The following FCHO1 variants were observed in gnomAD, a reference collection of about 807,000 sequenced individuals.
FCHO1 encodes F-BAR domain only protein 1.
In FCHO1, 45 loss-of-function variants were observed where a neutral mutation model predicts 114.4. That is an observed-to-expected ratio of 0.39 (90% CI 0.31 to 0.50). The LOEUF is 0.50. Ranked by LOEUF, FCHO1 falls within the 20% of genes least tolerant of loss-of-function variation. The probability of loss-of-function intolerance (pLI) is 0.77; values close to 1 mark genes in which losing one functional copy is unlikely to be tolerated. For missense variants in FCHO1, 1,042 were observed against 1,209.6 expected, an observed-to-expected ratio of 0.86 and a Z score of 2.06; for synonymous variants, 480 against 488.9, an observed-to-expected ratio of 0.98 and a Z score of 0.24.
In FCHO1 at chr19:17,751,894, ATCTC is replaced by A. The variant is rs1195527353; in HGVS notation, c.-183+321_-183+324del. The stretch of plus-strand genomic sequence containing the variant: ...CACAGTCAGCCGGGACCAATGATTG[ATCTC>A]TCTGTGCCTCGGTTTCCTTCATAAA... On this transcript the variant is annotated intron_variant, in intron 1 of 28. Transcript: ENST00000596536. This position sits in a 1 kb window ranked among gnomAD's most constrained non-coding sequence, Gnocchi z 4.4. 1.3e-5 allele frequency among the ~76,000 whole-genome samples: 2 copies of A among 152,156 alleles called. No individual in the cohort carries two copies. The highest frequency in any genetic ancestry group is 2.4e-5 in the African/African-American group (1 of 41,414).
chr19:17,752,622 G>A (rs2082271460), intron 1 of FCHO1, among the ~76,000 whole-genome samples: 1 of 151,904 alleles, frequency 6.6e-6, no homozygotes, highest in African/African-American at 2.4e-5. Flanking sequence ...ATTAAGGCCA[G>A]GGGTTGTGGC....
At chr19:17,768,724 G>GA (rs71162197) in intron 7 of FCHO1, among the ~76,000 whole-genome samples, 55,554 of 141,256 alleles carry the variant, frequency 0.39, 11,060 homozygotes, top group East Asian at 0.7. Flanking sequence ...AAAAAAAAAA[G>GA]GAGAGAGAGA....
At chr19:17,758,961 G>A (rs1289089871) in intron 4 of FCHO1, among the ~76,000 whole-genome samples, 3 of 152,004 alleles carry the variant, frequency 2.0e-5, no homozygotes, top group Non-Finnish European at 4.4e-5. Context: ...GAGACAGAGC[G>A]AGACCCTGTC....
intron 5 of FCHO1, 122 bp downstream of exon 5, chr19:17,762,975 G>C: frequency 1.5e-6 from 1 of 656,184 alleles, no homozygotes; most frequent in South Asian, 1.8e-5. Context: ...AACCAGAGGG[G>C]CTCGAAAATC....
rs555557152 is a variant in FCHO1, at chr19:17,762,530, C to T, written c.28-232C>T. 2.0e-5 allele frequency among the ~76,000 whole-genome samples: 3 copies of T among 152,138 alleles called. No homozygotes were observed. The South Asian group carries it at 6.2e-4, about 32-fold the overall frequency. On this transcript the variant is annotated intron_variant, in intron 4 of 28. Transcript: ENST00000596536. ...GACACAGAACAAATGAGATTCCTCC[C>T]CAGCAACTATAGGACAAAAAGAAAA...
intron 6 of FCHO1, among the ~76,000 whole-genome samples, chr19:17,764,868 C>T (rs531613013): frequency 9.2e-5 from 14 of 151,730 alleles, no homozygotes; most frequent in Non-Finnish European, 1.9e-4. Flanking sequence ...GAGTTCAAGA[C>T]CAGCCTGGGC....
intron 6 of FCHO1, 53 bp from the exon 7 acceptor site, chr19:17,766,616 C>A: frequency 6.2e-7 from 1 of 1,609,842 alleles, no homozygotes; most frequent in South Asian, 1.1e-5. Context: ...CCAGCGCTGT[C>A]CCGGGGTGGG....
At chr19:17,762,208 A>G (rs1568326942) in intron 4 of FCHO1, among the ~76,000 whole-genome samples, 1 of 151,500 alleles carries the variant, frequency 6.6e-6, no homozygotes, top group African/African-American at 2.4e-5. Flanking sequence ...CTGGTCTCGA[A>G]CTCCTGACCT....
intron 6 of FCHO1, 178 bp from the exon 7 acceptor site, chr19:17,766,491 C>A: frequency 1.4e-6 from 1 of 732,748 alleles, no homozygotes; most frequent in Non-Finnish European, 2.2e-6. Flanking sequence ...CTCCCTATGC[C>A]TCAGTTTCCC....
chr19:17,770,449 T>C lies in FCHO1; in HGVS notation c.361T>C (p.Leu121=). 1 of 1,613,422 alleles carries C rather than the reference T, an allele frequency of 6.2e-7. No homozygotes were observed. Among genetic ancestry groups the C allele is most frequent in the East Asian group, 2.2e-5 (1 of 44,880 alleles). Residue 121 remains leucine, a synonymous_variant, in exon 8 of 29, where the codon TTG becomes CTG. Coordinates refer to ENST00000596536, the MANE Select transcript of FCHO1 (RefSeq NM_015122.3). ...GTGCAAGGAGGAAGTGGTGAGCACC[T>C]TGGATGCTGTGCAGGTACTCTCGGG... ...KKCKEEVVST[L]DAVQVLSGVS... is the part of the protein sequence containing the mutation.
chr19:17,762,892 A>G, intron 5 of FCHO1, 39 bp downstream of exon 5: 1 of 1,402,688 alleles, frequency 7.1e-7, no homozygotes, highest in Non-Finnish European at 1.0e-6. Context: ...GGCCACGCCC[A>G]CCATCCTGTA....
At chr19:17,786,758 A>C in intron 27 of FCHO1, 129 bp downstream of exon 27, 1 of 1,017,772 alleles carries the variant, frequency 9.8e-7, no homozygotes, top group Admixed American at 2.2e-5. Context: ...GAAGTCTTTA[A>C]AAGCTGGAGG....
intron 4 of FCHO1, among the ~76,000 whole-genome samples, chr19:17,756,399 C>T (rs2083531774): frequency 6.6e-6 from 1 of 152,220 alleles, no homozygotes. Context: ...GTGGCACCTA[C>T]ATTTATTTTA....
chr19:17,752,267 T>G (rs886166314), intron 1 of FCHO1: 1 of 151,944 alleles, frequency 6.6e-6, no homozygotes. Context: ...TATTTAATTA[T>G]TATTTTTTTA....
upstream of FCHO1, among the ~76,000 whole-genome samples, chr19:17,749,402 A>G (rs1796939788): frequency 6.6e-6 from 1 of 152,130 alleles, no homozygotes; most frequent in Non-Finnish European, 1.5e-5. Context: ...AGACATGATT[A>G]TTATAATATT....
At chr19:17,761,672 C>T (rs866682869) in intron 4 of FCHO1, among the ~76,000 whole-genome samples, 14 of 145,952 alleles carry the variant, frequency 9.6e-5, no homozygotes, top group Middle Eastern at 3.2e-3. Context: ...ACTTCCCCCC[C>T]GCCCTGAGAC....
In FCHO1 at chr19:17,787,672, G is replaced by T; in HGVS notation, c.2483-10G>T. 3 of 1,549,022 alleles carry T rather than the reference G, an allele frequency of 1.9e-6. No individual in the cohort carries two copies. The highest frequency in any genetic ancestry group is 1.2e-5 in the South Asian group (1 of 84,058). On this transcript the variant is annotated splice_polypyrimidine_tract_variant and intron_variant, in intron 27 of 28. Coordinates refer to ENST00000596536, the MANE Select transcript of FCHO1 (RefSeq NM_015122.3). ...GGTGCCAGGGCGCAGCTGACTGCAG[G>T]TCTCCCCAGGTTCTGGCCGCCTCTC...
rs1568379737 is a variant in FCHO1, at chr19:17,786,595, C to T, written c.2448C>T (p.Leu816=). Reference sequence around the variant, plus strand: ...CCAGGAACCTGGAGGAGAAGCGGCTCACTTGGAGGCTTCCAGATGTGTCCG... The same window carrying T: ...CCAGGAACCTGGAGGAGAAGCGGCTTACTTGGAGGCTTCCAGATGTGTCCG... ...AATWNLEEKR[L]TWRLPDVSEA... The change falls in exon 27 of 29, where the codon CTC becomes CTT. Residue 816 remains leucine (L), a synonymous_variant. Coordinates refer to ENST00000596536, the MANE Select transcript of FCHO1 (RefSeq NM_015122.3). The T allele has an allele frequency of 6.5e-7, 1 of 1,542,838 alleles. No individual in the cohort carries two copies. Among genetic ancestry groups the T allele is most frequent in the Non-Finnish European group, 8.8e-7 (1 of 1,135,978 alleles).
chr19:17,785,691 G>A (rs893879685), intron 26 of FCHO1, among the ~76,000 whole-genome samples: 8 of 151,868 alleles, frequency 5.3e-5, no homozygotes, highest in African/African-American at 9.7e-5. Flanking sequence ...AAAAAAATCC[G>A]GGCATGGTGG....
Sources: allele counts gnomAD v4.1 joint callset (sites outside exome capture counted in the v4.1 genomes callset), GRCh38; gene constraint gnomAD v4.1.1; non-coding constraint Gnocchi (gnomAD v3.1); transcripts MANE v1.5; gene names NCBI Gene and HGNC (gene_info 2026-07-23, HGNC 2026-07-21).